The following ADGRG3 variants were observed in gnomAD, a reference collection of about 807,000 sequenced individuals.
ADGRG3 encodes G protein-coupled receptor 97.
Under a neutral mutation model 54.3 loss-of-function variants are expected in ADGRG3, and 39 were observed. The ratio of observed to expected loss-of-function variants is 0.72; its 90% CI spans 0.56 to 0.94. The LOEUF is 0.94. ADGRG3 is among the 40% of genes least tolerant of loss of function. The pLI is 0.00. For synonymous variants in ADGRG3, 312 were observed against 290.0 expected, an observed-to-expected ratio of 1.08 and a Z score of -0.77; for missense variants, 654 against 694.6, an observed-to-expected ratio of 0.94 and a Z score of 0.66.
At chr16:57,668,821 G>A (rs1455455431) in intron 1 of ADGRG3, among the ~76,000 whole-genome samples, 2 of 152,166 alleles carry the variant, frequency 1.3e-5, no homozygotes, top group Non-Finnish European at 2.9e-5. Flanking sequence ...GGCCAGGAAG[G>A]TCTGTCACCT....
At chr16:57,688,235 C>A in intron 11 of ADGRG3, 117 bp from the exon 12 acceptor site, 2 of 701,000 alleles carry the variant, frequency 2.9e-6, no homozygotes, top group Non-Finnish European at 5.2e-6. Context: ...TTTGCCTTTC[C>A]CAGCAGTTCT....
At chr16:57,686,977 G>A (rs80054977) in intron 11 of ADGRG3, among the ~76,000 whole-genome samples, 5,476 of 152,300 alleles carry the variant, frequency 0.036, 343 homozygotes, top group African/African-American at 0.12. Context: ...AGGCATCACA[G>A]TCTGACTGTG....
intron 3 of ADGRG3, 117 bp downstream of exon 3, chr16:57,676,455 G>T (rs780467435): frequency 4.3e-6 from 4 of 928,904 alleles, no homozygotes; most frequent in Non-Finnish European, 6.4e-6. Context: ...CCTCCCCCAC[G>T]TCCCAATTGG....
intron 2 of ADGRG3, among the ~76,000 whole-genome samples, chr16:57,673,930 G>A (rs75115055): frequency 1.4e-3 from 217 of 152,298 alleles, no homozygotes; most frequent in African/African-American, 5.0e-3. Context: ...GCAATGCTTT[G>A]AACTGTAACA....
chr16:57,679,124 G>A, intron 4 of ADGRG3, 53 bp from the exon 5 acceptor site: 1 of 1,606,466 alleles, frequency 6.2e-7, no homozygotes, highest in Non-Finnish European at 8.5e-7. Context: ...CAGCGTTGGT[G>A]GGTTGGGATG....
intron 8 of ADGRG3, among the ~76,000 whole-genome samples, chr16:57,682,804 T>G (rs1295488510): frequency 6.6e-6 from 1 of 151,662 alleles, no homozygotes; most frequent in East Asian, 1.9e-4. Flanking sequence ...GCCCCTGCCC[T>G]GCTCTGTGAC....
chr16:57,678,492 G>A, intron 4 of ADGRG3, 176 bp downstream of exon 4: 1 of 620,602 alleles, frequency 1.6e-6, no homozygotes, highest in Non-Finnish European at 2.8e-6. Context: ...TAGAGTCTAT[G>A]GTCTTCAGAC....
chr16:57,672,088 G>A (rs1481969324), intron 1 of ADGRG3, among the ~76,000 whole-genome samples: 1 of 152,210 alleles, frequency 6.6e-6, no homozygotes, highest in African/African-American at 2.4e-5. Flanking sequence ...GCTGAGGTTG[G>A]AGGATCGATT....
At position 57,685,760 on chromosome 16, in the gene ADGRG3, C is replaced by T. The variant is rs768572352; in HGVS notation, c.1374C>T (p.Phe458=). Residue 458 remains phenylalanine, a synonymous_variant, in exon 11 of 12, where the codon TTC becomes TTT. Coordinates refer to ENST00000333493, the MANE Select transcript of ADGRG3 (RefSeq NM_170776.5). Reference sequence around the variant, plus strand: ...TGGCCCTGGTGGTCTGGAAGATCTTCACCCTGTCCCGTGCTACAGCGGTCA... The same window carrying T: ...TGGCCCTGGTGGTCTGGAAGATCTTTACCCTGTCCCGTGCTACAGCGGTCA... ...VVLALVVWKI[F]TLSRATAVKE... is the part of the protein sequence containing the mutation. 1.2e-6 allele frequency: 2 copies of T among 1,614,222 alleles called. No individual in the cohort carries two copies. The highest frequency in any genetic ancestry group is 2.2e-5 in the East Asian group (1 of 44,884).
chr16:57,684,288 G>A (rs1166175259), intron 9 of ADGRG3, 76 bp downstream of exon 9: 3 of 1,576,250 alleles, frequency 1.9e-6, no homozygotes, highest in East Asian at 4.5e-5. Flanking sequence ...GGGAGAGAGA[G>A]GAGGGGTTCC....
At chr16:57,678,417 C>A in intron 4 of ADGRG3, 101 bp downstream of exon 4, 1 of 1,166,108 alleles carries the variant, frequency 8.6e-7, no homozygotes, top group Non-Finnish European at 1.3e-6. Context: ...CCAATGGGGA[C>A]AGAGCAGGCA....
At chr16:57,669,583 G>A (rs2048116564) in intron 1 of ADGRG3, among the ~76,000 whole-genome samples, 1 of 152,194 alleles carries the variant, frequency 6.6e-6, no homozygotes, top group African/African-American at 2.4e-5. Flanking sequence ...TCTGGTTGGG[G>A]CAGAGCAGCA....
rs772101491 is a variant in ADGRG3 at position 57,679,190 on chromosome 16, G to A, written c.506G>A (p.Gly169Asp). The A allele has an allele frequency of 9.9e-6, 16 of 1,613,748 alleles. No individual in the cohort carries two copies. The African/African-American group carries it at 1.9e-4, about 19-fold the overall frequency. ...CCCCTTTCACAGGGCCCCCGGCTCG[G>A]CCTGGGAGATGGCAGCGGCGTGTTG... is the stretch of plus-strand genomic sequence containing the variant. ...PGTLFKGPRL[G>D]LGDGSGVLNN... The change falls in exon 5 of 12, where the codon GGC becomes GAC. Residue 169 changes from glycine to aspartate, a missense_variant. Transcript: ENST00000333493.
At chr16:57,688,300 C>T in intron 11 of ADGRG3, 52 bp from the exon 12 acceptor site, 2 of 1,163,202 alleles carry the variant, frequency 1.7e-6, no homozygotes. Context: ...CAGGCTGCCC[C>T]ACTCTCTGCC....
chr16:57,686,585 C>A (rs929924063), intron 11 of ADGRG3: 1 of 152,504 alleles, frequency 6.6e-6, no homozygotes, highest in Non-Finnish European at 1.5e-5. Flanking sequence ...CGTTCTCTAT[C>A]TTTTTCCTGG....
At chr16:57,672,127 C>G (rs576778976) in intron 1 of ADGRG3, among the ~76,000 whole-genome samples, 3 of 152,054 alleles carry the variant, frequency 2.0e-5, no homozygotes, top group Non-Finnish European at 4.4e-5. Context: ...CTGCAGTGAG[C>G]TGTGATCATG....
intron 11 of ADGRG3, among the ~76,000 whole-genome samples, chr16:57,687,954 TAG>T (rs1396771921): frequency 2.6e-5 from 4 of 152,218 alleles, no homozygotes; most frequent in Non-Finnish European, 1.5e-5. Flanking sequence ...CCTTGAAACA[TAG>T]AGTTTTTCTA....
chr16:57,677,794 CA>C (rs1459776573), intron 3 of ADGRG3, among the ~76,000 whole-genome samples: 1 of 152,134 alleles, frequency 6.6e-6, no homozygotes. Flanking sequence ...AGTCAGAAGC[CA>C]GACACTGTCA....
At chr16:57,676,049 G>C (rs2048256894) in intron 2 of ADGRG3, 151 bp from the exon 3 acceptor site, 1 of 616,408 alleles carries the variant, frequency 1.6e-6, no homozygotes, top group South Asian at 2.4e-5. Flanking sequence ...GGAGCAGCCT[G>C]GACGGCCCCC....
Sources: gnomAD v4.1 joint callset for allele counts (sites outside exome capture counted in the v4.1 genomes callset) on GRCh38, gnomAD v4.1.1 for gene constraint, MANE v1.5 for transcripts, NCBI Gene and HGNC (gene_info 2026-07-23, HGNC 2026-07-21) for gene names.